Variants in XKR9 observed in about 807,000 individuals in gnomAD.
The protein encoded by XKR9 is XK related 9.
A neutral mutation model predicts 32.0 loss-of-function variants in XKR9; 32 were observed. The observed-to-expected ratio is 1.00, with a 90% confidence interval of 0.76 to 1.34. XKR9 has a LOEUF of 1.34. XKR9 is among the 40% of genes most tolerant of loss of function. The pLI is 0.00. For synonymous variants in XKR9, 168 were observed against 143.4 expected, an observed-to-expected ratio of 1.17 and a Z score of -1.22; for missense variants, 546 against 429.7, an observed-to-expected ratio of 1.27 and a Z score of -2.39.
At chr8:70,749,770 AG>A (rs112467496) in intron 2 of XKR9, among the ~76,000 whole-genome samples, 20 of 152,332 alleles carry the variant, frequency 1.3e-4, no homozygotes, top group African/African-American at 4.8e-4. Context: ...CTGGCCACAG[AG>A]GGTTTCTGGC....
At chr8:70,988,227 C>T in the XKR9 span, among the ~76,000 whole-genome samples, 1 of 151,756 alleles carries the variant, frequency 6.6e-6, no homozygotes, top group East Asian at 1.9e-4. Context: ...GGACACACAA[C>T]CAAATCATAT....
chr8:70,676,723 A>G (rs1446441571), intron 2 of XKR9, among the ~76,000 whole-genome samples: 1 of 152,196 alleles, frequency 6.6e-6, no homozygotes, highest in East Asian at 1.9e-4. Context: ...CAAAACTGCT[A>G]GTGTTGGCCA....
chr8:70,900,015 A>C, the XKR9 span, among the ~76,000 whole-genome samples: 1 of 152,156 alleles, frequency 6.6e-6, no homozygotes, highest in Admixed American at 6.6e-5. Flanking sequence ...ACAGTGCCTG[A>C]GAATGCTCAT....
At chr8:70,696,109 A>T (rs565827008) in intron 3 of XKR9, among the ~76,000 whole-genome samples, 1 of 151,494 alleles carries the variant, frequency 6.6e-6, no homozygotes, top group Admixed American at 6.6e-5. Context: ...TAGGTTGCAA[A>T]AATTTTCTCC....
chr8:70,922,982 A>G, the XKR9 span, among the ~76,000 whole-genome samples: 1 of 152,240 alleles, frequency 6.6e-6, no homozygotes, highest in South Asian at 2.1e-4. Context: ...CAATCCCTGT[A>G]GCTTGCTGAC....
the XKR9 span, among the ~76,000 whole-genome samples, chr8:70,860,763 G>C: frequency 6.6e-6 from 1 of 151,756 alleles, no homozygotes; most frequent in South Asian, 2.1e-4. Context: ...CCCCTGTCTG[G>C]GGAGTTCAGC....
At chr8:70,896,940 T>G in the XKR9 span, among the ~76,000 whole-genome samples, 1 of 152,102 alleles carries the variant, frequency 6.6e-6, no homozygotes, top group Non-Finnish European at 1.5e-5. Flanking sequence ...TTGCCTATAG[T>G]CACCCTGTTT....
chr8:71,061,287 C>T, the XKR9 span, among the ~76,000 whole-genome samples: 1 of 152,102 alleles, frequency 6.6e-6, no homozygotes. Context: ...ACAGAAGTGG[C>T]CCTGCCATCA....
At chr8:70,924,540 C>G in the XKR9 span, among the ~76,000 whole-genome samples, 1 of 152,160 alleles carries the variant, frequency 6.6e-6, no homozygotes, top group African/African-American at 2.4e-5. Flanking sequence ...TGAGTGAACT[C>G]AACATTCCCC....
chr8:70,776,954 T>TATATATGTATATATATATATATATAC (rs1807533420), intron 2 of XKR9, among the ~76,000 whole-genome samples: 1 of 89,324 alleles, frequency 1.1e-5, no homozygotes, highest in African/African-American at 3.3e-5. Flanking sequence ...TCTCTATATA[T>TATATATGTATATATATATATATATAC]ATATATATAT....
At chr8:70,692,610 C>T (rs1003208258) in intron 3 of XKR9, among the ~76,000 whole-genome samples, 8 of 151,892 alleles carry the variant, frequency 5.3e-5, no homozygotes, top group Non-Finnish European at 1.2e-4. Context: ...CAGAGTTTTG[C>T]TCTTGTTGCC....
chr8:70,812,112 C>T, the XKR9 span, among the ~76,000 whole-genome samples: 1 of 152,178 alleles, frequency 6.6e-6, no homozygotes, highest in Admixed American at 6.5e-5. Flanking sequence ...TGGGCTCCAT[C>T]CCTGGGATGC....
intron 4 of XKR9, among the ~76,000 whole-genome samples, chr8:70,710,643 G>A (rs1311348816): frequency 6.6e-6 from 1 of 152,298 alleles, no homozygotes; most frequent in East Asian, 1.9e-4. Flanking sequence ...GGCGGAGGTT[G>A]CAGTGAGCCA....
the XKR9 span, among the ~76,000 whole-genome samples, chr8:70,815,670 C>T: frequency 1.4e-4 from 21 of 152,008 alleles, no homozygotes; most frequent in South Asian, 6.2e-4. Context: ...GGACTACAGG[C>T]GCCCGCCACC....
chr8:70,927,539 C>T, the XKR9 span, among the ~76,000 whole-genome samples: 1 of 152,116 alleles, frequency 6.6e-6, no homozygotes, highest in Non-Finnish European at 1.5e-5. Context: ...TTTCTCTTTC[C>T]AAGATGGCGT....
chr8:70,716,003 C>A, intron 4 of XKR9, among the ~76,000 whole-genome samples: 1 of 150,846 alleles, frequency 6.6e-6, no homozygotes. Flanking sequence ...GATAGGAGAA[C>A]CAGGAAACAG....
At chr8:70,782,485 TA>T (rs918933446) in intron 2 of XKR9, among the ~76,000 whole-genome samples, 1 of 151,478 alleles carries the variant, frequency 6.6e-6, no homozygotes. Context: ...CATACAGTTG[TA>T]AAAAAAAATT....
chr8:70,706,810 G>T, intron 3 of XKR9, 123 bp from the exon 4 acceptor site: 1 of 786,274 alleles, frequency 1.3e-6, no homozygotes, highest in South Asian at 2.0e-5. Context: ...CTGTAGTAGA[G>T]AGAGTTTGTG....
chr8:70,958,511 G>A, the XKR9 span, among the ~76,000 whole-genome samples: 2 of 152,094 alleles, frequency 1.3e-5, no homozygotes, highest in Admixed American at 6.5e-5. Context: ...CTTTTGACAC[G>A]TGTCTGCTCA....
Sources: allele counts gnomAD v4.1 joint callset (sites outside exome capture counted in the v4.1 genomes callset), GRCh38; gene constraint gnomAD v4.1.1; transcripts MANE v1.5; gene names NCBI Gene and HGNC (gene_info 2026-07-23, HGNC 2026-07-21).